Variants in ACTR8 observed in about 807,000 individuals in gnomAD.
The protein encoded by ACTR8 is actin related protein 8, also known as actin-related protein 8.
In ACTR8, 70 loss-of-function variants were observed where a neutral mutation model predicts 84.3. The ratio of observed to expected loss-of-function variants is 0.83; its 90% confidence interval spans 0.68 to 1.01. The LOEUF (loss-of-function observed/expected upper bound fraction) is 1.01. ACTR8 is among the 50% of genes least tolerant of loss of function. ACTR8 has a pLI of 0.00. For missense variants in ACTR8, 672 were observed against 775.4 expected (o/e 0.87, Z 1.58); for synonymous variants, 268 against 275.2 (o/e 0.97, Z 0.26).
intron 6 of ACTR8, among the ~76,000 whole-genome samples, chr3:53,876,297 T>C (rs558504001): frequency 6.6e-6 from 1 of 152,012 alleles, no homozygotes; most frequent in South Asian, 2.1e-4. Flanking sequence ...GGTGGGAGGA[T>C]CACGAGGTCA....
At chr3:53,859,996 C>T in the ACTR8 span, 167 of 634,926 alleles carry the variant, frequency 2.6e-4, 7 homozygotes, top group South Asian at 3.0e-3. Flanking sequence ...GGCAACAAAG[C>T]GAGACTCTGT....
intron 7 of ACTR8, among the ~76,000 whole-genome samples, 190 bp downstream of exon 7, chr3:53,875,758 A>T (rs1048220639): frequency 2.6e-5 from 4 of 152,268 alleles, no homozygotes; most frequent in African/African-American, 9.6e-5. Flanking sequence ...TTCCAATGGG[A>T]AGGGTAAAAT....
At chr3:53,872,913 A>C in intron 9 of ACTR8, 119 bp downstream of exon 9, 1 of 808,520 alleles carries the variant, frequency 1.2e-6, no homozygotes, top group Non-Finnish European at 2.0e-6. Context: ...TTTAGTGGAT[A>C]ATCTACAATC....
downstream of ACTR8, among the ~76,000 whole-genome samples, chr3:53,866,015 T>A (rs1315844450): frequency 6.6e-6 from 1 of 152,266 alleles, no homozygotes; most frequent in African/African-American, 2.4e-5. Context: ...ATTTAACTTT[T>A]CATGTTCAAA....
downstream of ACTR8, chr3:53,864,657 A>T: frequency 1.0e-6 from 1 of 995,200 alleles, no homozygotes; most frequent in Non-Finnish European, 1.5e-6. Flanking sequence ...GACATTCTCT[A>T]GCAAGGGATC....
downstream of ACTR8, among the ~76,000 whole-genome samples, chr3:53,866,700 C>G (rs1446104375): frequency 6.6e-6 from 1 of 152,178 alleles, no homozygotes; most frequent in Non-Finnish European, 1.5e-5. Flanking sequence ...CCAGGATGGT[C>G]TTGATCTCCT....
chr3:53,863,303 A>G (rs1699636289), downstream of ACTR8, among the ~76,000 whole-genome samples: 1 of 151,754 alleles, frequency 6.6e-6, no homozygotes, highest in Non-Finnish European at 1.5e-5. Flanking sequence ...TTCAAGGGTC[A>G]GCTGTACTCT....
Position 53,871,401 on chromosome 3 carries a change from G to A in ACTR8, c.1398C>T (p.Leu466=), listed in dbSNP as rs374403195. The A allele has an allele frequency of 3.0e-5, 49 of 1,614,132 alleles. No individual in the cohort carries two copies. The highest frequency in any genetic ancestry group is 4.2e-5 in the Non-Finnish European group (49 of 1,180,056). Residue 466 remains leucine, a synonymous_variant, in exon 11 of 13, where the codon CTC becomes CTT. Transcript: ENST00000335754. The part of the protein sequence containing the change: ...RGQSSDLPER[L]HSQEVDLGSA... ...ACCCCAAATCTACCTCCTGGGAATG[G>A]AGTCTTTCTGGAAGATCAGAGGACT...
downstream of ACTR8, among the ~76,000 whole-genome samples, chr3:53,863,744 G>A (rs536026982): frequency 6.6e-6 from 1 of 152,066 alleles, no homozygotes; most frequent in Admixed American, 6.5e-5. Flanking sequence ...GACTCAAAAT[G>A]TGAAGTGCAG....
At chr3:53,860,206 G>A in the ACTR8 span, 1 of 1,613,570 alleles carries the variant, frequency 6.2e-7, no homozygotes, top group East Asian at 2.2e-5. Context: ...TGGTGGCAGG[G>A]ATCTATCTAA....
intron 3 of ACTR8, 78 bp downstream of exon 3, chr3:53,878,279 G>C (rs1218785778): frequency 1.9e-6 from 2 of 1,071,558 alleles, no homozygotes; most frequent in African/African-American, 3.1e-5. Context: ...TTTGCATAGT[G>C]GTATAGGAAG....
chr3:53,872,758 A>C (rs1278398289), intron 9 of ACTR8, among the ~76,000 whole-genome samples: 2 of 152,214 alleles, frequency 1.3e-5, no homozygotes, highest in Non-Finnish European at 2.9e-5. Context: ...ATCTCAAAGC[A>C]AATATCAAGT....
chr3:53,872,887 G>C (rs1358318190), intron 9 of ACTR8, 145 bp downstream of exon 9: 2 of 659,502 alleles, frequency 3.0e-6, no homozygotes, highest in Non-Finnish European at 5.2e-6. Context: ...GTCTATACCA[G>C]TGGCTTAAAT....
At chr3:53,866,186 A>T (rs1699772762), downstream of ACTR8, among the ~76,000 whole-genome samples, 1 of 152,236 alleles carries the variant, frequency 6.6e-6, no homozygotes, top group East Asian at 1.9e-4. Flanking sequence ...GCTCAAGACC[A>T]GGCTACGTCA....
intron 1 of ACTR8, 55 bp from the exon 2 acceptor site, chr3:53,880,164 G>A: frequency 6.5e-7 from 1 of 1,536,398 alleles, no homozygotes; most frequent in African/African-American, 1.4e-5. Context: ...AGGTAACAAA[G>A]TTAAACAACA....
At position 53,867,798 on chromosome 3, in the gene ACTR8, G is replaced by A. The variant is rs747022521; in HGVS notation, c.*921C>T. On this transcript the variant is annotated 3_prime_UTR_variant, in exon 13 of 13. Transcript: ENST00000335754. ...GTAATAGCTGCATTATTTAGATTTT[G>A]CTTCAGGATGCTCAGAGGTTAAGGT... is the stretch of plus-strand genomic sequence containing the variant. The A allele has an allele frequency of 3.9e-5, 6 of 152,108 alleles. No homozygotes were observed. Among genetic ancestry groups the A allele is most frequent in the Non-Finnish European group, 8.8e-5 (6 of 68,026 alleles). 9.4% of individuals were successfully genotyped at this position (152,108 alleles called of 1,614,324 possible).
chr3:53,875,817 G>T (rs965701937), intron 7 of ACTR8, 131 bp downstream of exon 7: 2 of 1,344,680 alleles, frequency 1.5e-6, no homozygotes, highest in Non-Finnish European at 2.0e-6. Context: ...CCATAATCTT[G>T]CTGGTTTACC....
chr3:53,881,797 C>A, intron 1 of ACTR8, 182 bp downstream of exon 1: 1 of 986,156 alleles, frequency 1.0e-6, no homozygotes, highest in Non-Finnish European at 1.5e-6. Context: ...GCGCTCCGCA[C>A]CTCCCAGCCC....
chr3:53,881,872 C>T, intron 1 of ACTR8, 107 bp downstream of exon 1: 1 of 1,507,930 alleles, frequency 6.6e-7, no homozygotes, highest in Non-Finnish European at 8.9e-7. Context: ...CCACCAGGGG[C>T]TGGGGCCTGC....
Sources: allele counts gnomAD v4.1 joint callset (sites outside exome capture counted in the v4.1 genomes callset), GRCh38; gene constraint gnomAD v4.1.1; transcripts MANE v1.5; gene names NCBI Gene and HGNC (gene_info 2026-07-23, HGNC 2026-07-21).